WDR27: variants seen among roughly 807,000 people sequenced by gnomAD.
WDR27 encodes WD repeat domain 27.
Under a neutral mutation model 114.4 loss-of-function variants are expected in WDR27, and 100 were observed. The ratio of observed to expected loss-of-function variants is 0.87; its 90% CI spans 0.74 to 1.03. WDR27 has a LOEUF of 1.03. Among genes scored for constraint, WDR27 ranks in the 50% least tolerant of loss-of-function variants. WDR27 has a pLI of 0.00. For missense variants in WDR27, 1,129 were observed against 1,092.9 expected, an observed-to-expected ratio of 1.03 and a Z score of -0.47; for synonymous variants, 449 against 423.1, an observed-to-expected ratio of 1.06 and a Z score of -0.75.
chr6:169,594,200 T>A (rs1806330704), intron 23 of WDR27, among the ~76,000 whole-genome samples: 1 of 152,194 alleles, frequency 6.6e-6, no homozygotes, highest in Non-Finnish European at 1.5e-5. Context: ...AAACCAAGAG[T>A]TGCTTAACAG....
intron 25 of WDR27, among the ~76,000 whole-genome samples, chr6:169,470,164 T>C (rs1786162681): frequency 6.6e-6 from 1 of 152,234 alleles, no homozygotes; most frequent in Admixed American, 6.5e-5. Flanking sequence ...AGTAACGTGA[T>C]TTTCACTTCC....
rs1233146941 is a variant in WDR27 at position 169,492,708 on chromosome 6, CTAGAA to C, written c.2646-35079_2646-35075del. Among the ~76,000 whole-genome samples, 9 of 151,756 alleles carry C rather than the reference CTAGAA, an allele frequency of 5.9e-5. 1 individual carries two copies. In the South Asian group the frequency reaches 1.9e-3, roughly 32 times the overall value. On this transcript the variant is annotated intron_variant, in intron 25 of 25. Transcript: ENST00000448612. ...ATGAATTTCAGTGAAAGAATGGAAC[CTAGAA>C]GGAAGAAATGAGATACAAGAGAAAA...
At chr6:169,535,442 G>A (rs1218635002) in intron 25 of WDR27, among the ~76,000 whole-genome samples, 1 of 152,124 alleles carries the variant, frequency 6.6e-6, no homozygotes, top group East Asian at 1.9e-4. Context: ...TACCATGAAG[G>A]ATTTCAAACT....
At chr6:169,585,774 G>T (rs542095099) in intron 23 of WDR27, among the ~76,000 whole-genome samples, 1 of 152,148 alleles carries the variant, frequency 6.6e-6, no homozygotes, top group African/African-American at 2.4e-5. Flanking sequence ...TGGGGAGGAG[G>T]AGTAGCAGGG....
chr6:169,505,750 C>T (rs999002488), intron 25 of WDR27, among the ~76,000 whole-genome samples: 2 of 152,210 alleles, frequency 1.3e-5, no homozygotes, highest in Non-Finnish European at 2.9e-5. Flanking sequence ...TCATGCCATG[C>T]CAGTGTCTCA....
the WDR27 span, among the ~76,000 whole-genome samples, chr6:169,445,580 A>G: frequency 0.034 from 5,124 of 152,330 alleles, 122 homozygotes; most frequent in Non-Finnish European, 0.056. Context: ...AACATTAGCT[A>G]TTATTACAAA....
chr6:169,645,417 G>C (rs73039190), intron 16 of WDR27, among the ~76,000 whole-genome samples: 16,241 of 150,948 alleles, frequency 0.11, 1,237 homozygotes, highest in Middle Eastern at 0.17. Flanking sequence ...TAGTTCACAG[G>C]AGTCACACTA....
chr6:169,696,459 T>G (rs1473877328), intron 1 of WDR27, among the ~76,000 whole-genome samples: 1 of 152,194 alleles, frequency 6.6e-6, no homozygotes, highest in Non-Finnish European at 1.5e-5. Context: ...CACCCAAACG[T>G]GCACACACAT....
chr6:169,594,949 C>A (rs1806477225), intron 23 of WDR27, among the ~76,000 whole-genome samples: 1 of 152,156 alleles, frequency 6.6e-6, no homozygotes. Context: ...GCTGAGGCTG[C>A]AGGCCTGAAG....
chr6:169,669,460 C>T (rs1158571166), intron 4 of WDR27: 1 of 152,226 alleles, frequency 6.6e-6, no homozygotes, highest in African/African-American at 2.4e-5. Flanking sequence ...ATGGTTCTCT[C>T]CATCTGGGAC....
intron 15 of WDR27, among the ~76,000 whole-genome samples, chr6:169,648,726 AG>A (rs1821456402): frequency 6.6e-6 from 1 of 152,210 alleles, no homozygotes; most frequent in Non-Finnish European, 1.5e-5. Flanking sequence ...ATGTCCCCCA[AG>A]CTCTTCCCTG....
At position 169,585,948 on chromosome 6, in the gene WDR27, C is replaced by G. The variant is rs147424011; in HGVS notation, c.2425-3014G>C. ...TCTCTAAACATTTTTCCATATGGTA[C>G]CAATCCTTCTCCTACCATTTGCTTT... On this transcript the variant is annotated intron_variant, in intron 23 of 25. Transcript: ENST00000448612. 7.2e-3 allele frequency among the ~76,000 whole-genome samples: 1,094 copies of G among 152,264 alleles called. 24 individuals are homozygous for G. The highest frequency in any genetic ancestry group is 0.026 in the African/African-American group (1,060 of 41,550).
At chr6:169,680,475 G>A (rs377581305) in intron 2 of WDR27, among the ~76,000 whole-genome samples, 9 of 152,208 alleles carry the variant, frequency 5.9e-5, no homozygotes, top group Middle Eastern at 3.4e-3. Flanking sequence ...CCAGCTACTC[G>A]GGAGGCTGAG....
At chr6:169,560,079 CA>C (rs1173423851) in intron 25 of WDR27, among the ~76,000 whole-genome samples, 1 of 152,046 alleles carries the variant, frequency 6.6e-6, no homozygotes, top group African/African-American at 2.4e-5. Flanking sequence ...TGTCCCCACC[CA>C]AATCTCCACT....
chr6:169,647,571 G>A, intron 16 of WDR27: 1 of 646,464 alleles, frequency 1.5e-6, no homozygotes, highest in Non-Finnish European at 2.8e-6. Context: ...GGGGTGAGAT[G>A]CCTGGAGATC....
chr6:169,443,881 C>T, the WDR27 span, among the ~76,000 whole-genome samples: 4 of 152,170 alleles, frequency 2.6e-5, no homozygotes. Context: ...GTCATTCAGG[C>T]CTGGGTTTCC....
At chr6:169,573,789 G>T (rs568020133) in intron 24 of WDR27, among the ~76,000 whole-genome samples, 1 of 152,294 alleles carries the variant, frequency 6.6e-6, no homozygotes, top group South Asian at 2.1e-4. Flanking sequence ...TGAACTCCCT[G>T]TGTGAACAGT....
chr6:169,632,989 C>A lies in WDR27; in HGVS notation c.2181G>T (p.Ala727=). ...LNAGCSAAVI[A]EAHSRPVHQI... is the part of the protein sequence containing the mutation. ...GATGGACAGGCCGTGAGTGGGCTTCCGCTATCACCGCTGCACTGCAGCCGG... is the reference window on the plus strand; with the variant it reads ...GATGGACAGGCCGTGAGTGGGCTTCAGCTATCACCGCTGCACTGCAGCCGG... The change falls in exon 21 of 26, where the codon GCG becomes GCT. Residue 727 remains alanine, a synonymous_variant. Coordinates refer to ENST00000448612, the MANE Select transcript of WDR27 (RefSeq NM_182552.5). 1 of 1,596,420 alleles carries A rather than the reference C, an allele frequency of 6.3e-7. No individual in the cohort carries two copies. The highest frequency in any genetic ancestry group is 8.6e-7 in the Non-Finnish European group (1 of 1,165,858).
chr6:169,659,369 C>G lies in WDR27; in HGVS notation c.1197+82G>C, dbSNP rs1825285803. The G allele has an allele frequency of 3.8e-6, 6 of 1,582,426 alleles. No homozygotes were observed. Among genetic ancestry groups the G allele is most frequent in the Non-Finnish European group, 5.2e-6 (6 of 1,158,638 alleles). Reference sequence around the variant, plus strand: ...ACACACAAAATCCCGTTTACTCAGCCAGTCGTTACAGGATCACTCTGAAGA... The same window carrying G: ...ACACACAAAATCCCGTTTACTCAGCGAGTCGTTACAGGATCACTCTGAAGA... On this transcript the variant is annotated intron_variant, in intron 11 of 25. Transcript: ENST00000448612. The surrounding 1 kb of genome is among the most constrained non-coding windows in gnomAD (Gnocchi z 4.3).
Sources: allele counts gnomAD v4.1 joint callset (sites outside exome capture counted in the v4.1 genomes callset), GRCh38; gene constraint gnomAD v4.1.1; non-coding constraint Gnocchi (gnomAD v3.1); transcripts MANE v1.5; gene names NCBI Gene and HGNC (gene_info 2026-07-23, HGNC 2026-07-21).